Variants in ABCA12 observed in about 807,000 individuals in gnomAD.
ABCA12 encodes ATP binding cassette subfamily A member 12.
A neutral mutation model predicts 293.5 loss-of-function variants in ABCA12; 156 were observed. The observed-to-expected ratio is 0.53, with a 90% CI of 0.47 to 0.61. The LOEUF (loss-of-function observed/expected upper bound fraction) is 0.61, where lower values mean the gene tolerates loss of function less well. ABCA12 is among the 20% of genes least tolerant of loss of function. The pLI is 0.00. For missense variants in ABCA12, 2,797 were observed against 3,090.2 expected (o/e 0.91, Z 2.25); for synonymous variants, 1,063 against 1,108.0 (o/e 0.96, Z 0.81).
chr2:215,074,986 G>A (rs567599635), intron 2 of ABCA12, among the ~76,000 whole-genome samples: 36 of 151,916 alleles, frequency 2.4e-4, no homozygotes, highest in Non-Finnish European at 4.1e-4. Context: ...TAAATGTACT[G>A]GGATAGATAC....
rs1161550353 is a variant in ABCA12 at position 215,000,760 on chromosome 2, G to T, written c.3124C>A (p.Gln1042Lys). The change falls in exon 22 of 53, where the codon CAG becomes AAG. Residue 1042 changes from glutamine (Q) to lysine (K), a missense_variant. Gln to Lys is a moderately conservative substitution (Grantham distance 53, BLOSUM62 1). Coordinates refer to ENST00000272895, the MANE Select transcript of ABCA12 (RefSeq NM_173076.3). The stretch of plus-strand genomic sequence containing the variant: ...GCTTGAACCTGGACTGCTATTTCCT[G>T]GGAGTTCCTTCCAGTTTGCAATTCA... ...IIELQTGRNSQEIAVQVQAIP... is the reference protein window; with the variant it reads ...IIELQTGRNSKEIAVQVQAIP... The T allele has an allele frequency of 1.2e-6, 2 of 1,613,930 alleles. No individual in the cohort carries two copies. The highest frequency in any genetic ancestry group is 1.7e-6 in the Non-Finnish European group (2 of 1,179,962).
chr2:215,033,219 A>G (rs1365759738), intron 8 of ABCA12, among the ~76,000 whole-genome samples: 6 of 152,242 alleles, frequency 3.9e-5, no homozygotes, highest in Admixed American at 2.0e-4. Flanking sequence ...CTAATTAACA[A>G]TAGTAATACC....
chr2:214,963,894 T>G (rs1479908330), intron 39 of ABCA12, among the ~76,000 whole-genome samples: 1 of 125,448 alleles, frequency 8.0e-6, no homozygotes, highest in Non-Finnish European at 1.6e-5. Flanking sequence ...CACTCCAGCC[T>G]GGGTGACTGA....
intron 51 of ABCA12, among the ~76,000 whole-genome samples, chr2:214,936,824 G>T (rs923174531): frequency 2.6e-5 from 4 of 151,802 alleles, no homozygotes; most frequent in African/African-American, 4.8e-5. Flanking sequence ...AAGAAGAAAT[G>T]ACCTTGGTCA....
At chr2:215,014,442 T>C (rs776757866) in intron 15 of ABCA12, among the ~76,000 whole-genome samples, 9 of 152,076 alleles carry the variant, frequency 5.9e-5, no homozygotes, top group Non-Finnish European at 8.8e-5. Flanking sequence ...GTCCAGAAAG[T>C]AGCCAAGTAA....
At chr2:215,129,770 T>A (rs1037552284) in intron 1 of ABCA12, among the ~76,000 whole-genome samples, 2 of 152,216 alleles carry the variant, frequency 1.3e-5, no homozygotes, top group Admixed American at 6.5e-5. Flanking sequence ...TTTGTTGCAT[T>A]TGCTTTTGGG....
At chr2:215,013,211 T>A (rs1487102188) in intron 15 of ABCA12, 1 of 152,138 alleles carries the variant, frequency 6.6e-6, no homozygotes, top group Non-Finnish European at 1.5e-5. Context: ...CTGGGGCATA[T>A]GAGAAGGTAG....
At chr2:215,003,148 G>A (rs1438152029) in intron 20 of ABCA12, among the ~76,000 whole-genome samples, 1 of 152,094 alleles carries the variant, frequency 6.6e-6, no homozygotes, top group Non-Finnish European at 1.5e-5. Context: ...TCCCAGCAGT[G>A]CCAGGGAGGG....
intron 23 of ABCA12, among the ~76,000 whole-genome samples, chr2:214,995,178 C>T (rs1422290612): frequency 2.0e-5 from 3 of 152,110 alleles, no homozygotes; most frequent in African/African-American, 7.2e-5. Flanking sequence ...CATACCATAA[C>T]AAAGTCAAAG....
At chr2:215,009,868 G>A (rs1011643343) in intron 18 of ABCA12, among the ~76,000 whole-genome samples, 1 of 152,076 alleles carries the variant, frequency 6.6e-6, no homozygotes, top group Non-Finnish European at 1.5e-5. Context: ...TGTCTTATTC[G>A]ACATCTATCT....
intron 2 of ABCA12, among the ~76,000 whole-genome samples, chr2:215,108,027 C>T (rs560666040): frequency 6.6e-6 from 1 of 152,238 alleles, no homozygotes; most frequent in South Asian, 2.1e-4. Flanking sequence ...CCAGACTGCA[C>T]CTTGCTCTCC....
At chr2:214,954,466 G>A (rs1176721458) in intron 43 of ABCA12, among the ~76,000 whole-genome samples, 1 of 152,144 alleles carries the variant, frequency 6.6e-6, no homozygotes, top group Non-Finnish European at 1.5e-5. Flanking sequence ...ACTTGGTACA[G>A]TAAAGTTTTG....
Position 214,956,677 on chromosome 2 carries a change from T to C in ABCA12, c.6219A>G (p.Leu2073=), listed in dbSNP as rs755748351. 78 of 1,612,406 alleles carry C rather than the reference T, an allele frequency of 4.8e-5. No individual in the cohort carries two copies. Among genetic ancestry groups the C allele is most frequent in the Non-Finnish European group, 6.4e-5 (76 of 1,178,770 alleles). Residue 2073 remains leucine, a synonymous_variant, in exon 42 of 53, where the codon CTA becomes CTG. Coordinates refer to ENST00000272895, the MANE Select transcript of ABCA12 (RefSeq NM_173076.3). ...CAGCAGCTTACCCAAACAGGAGAAG[T>C]AGGAGAGATACAGCGCCTAGGTTGT... The part of the protein sequence containing the change: ...SENNLGAVSL[L]LLLFGYATFS...
Position 214,943,012 on chromosome 2 carries a change from T to C in ABCA12, c.7349A>G (p.Glu2450Gly). The change falls in exon 50 of 53, where the codon GAA becomes GGA. Residue 2450 changes from glutamate (E) to glycine (G), a missense_variant. By Grantham distance (98) the Glu-to-Gly change is moderately conservative. Around this residue, in one of 3 missense-constraint regions of ABCA12, gnomAD observed 2,130 missense variants for 2,427.0 expected, o/e 0.88. Coordinates refer to ENST00000272895, the MANE Select transcript of ABCA12 (RefSeq NM_173076.3). ...CSVILTSHSMEECEALCTRLA... is the reference protein window; with the variant it reads ...CSVILTSHSMGECEALCTRLA... Reference sequence around the variant, plus strand: ...CCTGGTACAGAGAGCTTCACATTCTTCCATGCTAAAAGACAAAGCAGGATC... The same window carrying C: ...CCTGGTACAGAGAGCTTCACATTCTCCCATGCTAAAAGACAAAGCAGGATC... 6.2e-7 allele frequency: 1 copy of C among 1,612,988 alleles called. No individual in the cohort carries two copies. Among genetic ancestry groups the C allele is most frequent in the Admixed American group, 1.7e-5 (1 of 59,944 alleles).
chr2:214,993,440 C>A (rs1201619985), intron 23 of ABCA12, among the ~76,000 whole-genome samples: 2 of 152,144 alleles, frequency 1.3e-5, no homozygotes, highest in East Asian at 3.8e-4. Context: ...TGTACCCTAC[C>A]CCATTTGAAA....
Position 215,045,962 on chromosome 2 carries a change from C to T in ABCA12, c.747G>A (p.Met249Ile). 1.2e-6 allele frequency: 2 copies of T among 1,613,682 alleles called. No homozygotes were observed. Among genetic ancestry groups the T allele is most frequent in the South Asian group, 1.1e-5 (1 of 91,066 alleles). ...CTTGCACTTGTGAGAAGAAAGACAG[C>T]ATTCTGACTATTTCCTGAAACACTA... ...QKIVFQEIVR[M>I]LSFFSQVQEQ... The change falls in exon 7 of 53, where the codon ATG becomes ATA. Residue 249 changes from methionine to isoleucine, a missense_variant. Physicochemically the swap from Met to Ile is conservative, Grantham distance 10. This residue lies in a region of ABCA12 where 656 missense variants were observed against 638.2 expected (regional missense o/e 1.03). Coordinates refer to ENST00000272895, the MANE Select transcript of ABCA12 (RefSeq NM_173076.3).
rs761068277 is a variant in ABCA12, at chr2:214,945,067, C to A, written c.7277G>T (p.Arg2426Leu). Residue 2426 changes from arginine to leucine, a missense_variant, in exon 49 of 53, where the codon CGG (arginine) becomes CTG (leucine). Coordinates refer to ENST00000272895, the MANE Select transcript of ABCA12 (RefSeq NM_173076.3). ...PSSGMDPKSK[R>L]HLWKIISEEV... ...TTCTGAAATGATCTTCCAGAGGTGCCGTTTCGACTTCGGATCCATGCCAGA... is the reference window on the plus strand; with the variant it reads ...TTCTGAAATGATCTTCCAGAGGTGCAGTTTCGACTTCGGATCCATGCCAGA... 1 of 1,613,612 alleles carries A rather than the reference C, an allele frequency of 6.2e-7. No individual in the cohort carries two copies. The highest frequency in any genetic ancestry group is 8.5e-7 in the Non-Finnish European group (1 of 1,179,858).
At chr2:215,031,949 T>C (rs773896090) in intron 8 of ABCA12, 53 bp from the exon 9 acceptor site, 58 of 1,609,688 alleles carry the variant, frequency 3.6e-5, no homozygotes, top group Non-Finnish European at 4.7e-5. Flanking sequence ...GCTTAAAGAT[T>C]TTTTTCCTCA....
chr2:215,089,348 T>C (rs1702096613), intron 2 of ABCA12, among the ~76,000 whole-genome samples: 1 of 152,156 alleles, frequency 6.6e-6, no homozygotes, highest in African/African-American at 2.4e-5. Context: ...CTAAAACTAC[T>C]AGGAACCGCT....
Sources: allele counts gnomAD v4.1 joint callset (sites outside exome capture counted in the v4.1 genomes callset), GRCh38; gene constraint gnomAD v4.1.1; regional missense constraint gnomAD v4.1.1; transcripts MANE v1.5; gene names NCBI Gene and HGNC (gene_info 2026-07-23, HGNC 2026-07-21).